The following RBFOX1 variants were observed in gnomAD, a reference collection of about 807,000 sequenced individuals.
RBFOX1 encodes the protein RNA binding fox-1 homolog 1.
In RBFOX1, 8 loss-of-function variants were observed where a neutral mutation model predicts 57.7. The observed-to-expected ratio is 0.14, with a 90% CI of 0.08 to 0.25. RBFOX1 has a LOEUF of 0.25. Ranked by LOEUF, RBFOX1 falls within the 10% of genes least tolerant of loss-of-function variation. The probability of loss-of-function intolerance (pLI) is 1.00; values close to 1 mark genes in which losing one functional copy is unlikely to be tolerated. For synonymous variants in RBFOX1, 326 were observed against 222.4 expected, an observed-to-expected ratio of 1.47 and a Z score of -4.15; for missense variants, 611 against 548.5, an observed-to-expected ratio of 1.11 and a Z score of -1.14.
chr16:6,487,465 A>G (rs1454157604), intron 2 of RBFOX1, among the ~76,000 whole-genome samples: 1 of 151,668 alleles, frequency 6.6e-6, no homozygotes, highest in Non-Finnish European at 1.5e-5. Context: ...GGATATTTGT[A>G]ACATAATTTT....
At chr16:5,944,397 A>G (rs935817234) in intron 4 of RBFOX1, among the ~76,000 whole-genome samples, 4 of 152,192 alleles carry the variant, frequency 2.6e-5, no homozygotes, top group African/African-American at 9.7e-5. Flanking sequence ...AGTTACATGA[A>G]GACGTGAGAC....
chr16:6,107,939 A>T (rs942523000), intron 1 of RBFOX1, among the ~76,000 whole-genome samples: 2 of 152,134 alleles, frequency 1.3e-5, no homozygotes, highest in Non-Finnish European at 2.9e-5. Context: ...CAAAAAAATC[A>T]TTGCCTTTCT....
At chr16:5,959,936 C>T (rs780200407) in intron 4 of RBFOX1, among the ~76,000 whole-genome samples, 1 of 152,224 alleles carries the variant, frequency 6.6e-6, no homozygotes, top group South Asian at 2.1e-4. Flanking sequence ...CGCGGTGGCT[C>T]ACGCCTGTAA....
At chr16:5,344,893 A>C (rs1419413757) in intron 1 of RBFOX1, among the ~76,000 whole-genome samples, 2 of 152,178 alleles carry the variant, frequency 1.3e-5, no homozygotes, top group African/African-American at 4.8e-5. Context: ...CAATAACTCC[A>C]AATTCATGTT....
chr16:7,338,234 A>G (rs2096829766), intron 4 of RBFOX1, among the ~76,000 whole-genome samples: 1 of 134,534 alleles, frequency 7.4e-6, no homozygotes, highest in Non-Finnish European at 1.5e-5. Flanking sequence ...ATTATCATTT[A>G]CCGTTTCTAT....
At chr16:6,984,538 T>C (rs370274998) in intron 3 of RBFOX1, among the ~76,000 whole-genome samples, 15 of 152,278 alleles carry the variant, frequency 9.9e-5, no homozygotes, top group African/African-American at 3.1e-4. Flanking sequence ...TAAATTAGAA[T>C]GGTGCAGCAG....
chr16:6,584,767 A>G (rs919279135), intron 2 of RBFOX1, among the ~76,000 whole-genome samples: 1 of 152,162 alleles, frequency 6.6e-6, no homozygotes, highest in Non-Finnish European at 1.5e-5. Flanking sequence ...CCACCAAGGC[A>G]GGACCAGCCT....
chr16:6,781,567 C>G (rs2081029495), intron 3 of RBFOX1, among the ~76,000 whole-genome samples: 2 of 152,074 alleles, frequency 1.3e-5, no homozygotes, highest in Non-Finnish European at 2.9e-5. Context: ...GGCCTTTTCT[C>G]TGGTGAGAAT....
chr16:7,222,554 A>T (rs568946984), intron 4 of RBFOX1, among the ~76,000 whole-genome samples: 3 of 152,120 alleles, frequency 2.0e-5, no homozygotes, highest in Admixed American at 1.3e-4. Flanking sequence ...CGAAGCAACA[A>T]TTGGATATGT....
chr16:7,599,638 CTTTTTT>C (rs542898195), intron 9 of RBFOX1, among the ~76,000 whole-genome samples: 1 of 62,808 alleles, frequency 1.6e-5, no homozygotes, highest in South Asian at 4.7e-4. Context: ...TTAATAAAGA[CTTTTTT>C]TTTTTTCTTT....
At chr16:6,530,339 T>C (rs1396924474) in intron 2 of RBFOX1, among the ~76,000 whole-genome samples, 3 of 152,192 alleles carry the variant, frequency 2.0e-5, no homozygotes, top group Non-Finnish European at 4.4e-5. Flanking sequence ...GTCACTCACA[T>C]AGTTCCAGCA....
At chr16:5,917,709 C>G (rs1017655745) in intron 4 of RBFOX1, among the ~76,000 whole-genome samples, 6 of 152,194 alleles carry the variant, frequency 3.9e-5, no homozygotes, top group Non-Finnish European at 8.8e-5. Flanking sequence ...CCCTGGATAC[C>G]TGACATAACC....
intron 3 of RBFOX1, among the ~76,000 whole-genome samples, chr16:6,966,416 G>A (rs891314430): frequency 6.6e-6 from 1 of 152,124 alleles, no homozygotes; most frequent in Admixed American, 6.5e-5. Context: ...ATGACCCTGG[G>A]GGGTCTTCCA....
intron 2 of RBFOX1, among the ~76,000 whole-genome samples, chr16:6,587,804 C>A (rs1281149921): frequency 6.6e-6 from 1 of 152,120 alleles, no homozygotes; most frequent in Non-Finnish European, 1.5e-5. Flanking sequence ...GTAGTTTCAC[C>A]AATGATTAAC....
intron 4 of RBFOX1, among the ~76,000 whole-genome samples, chr16:5,900,098 C>G (rs2058270085): frequency 6.6e-6 from 1 of 152,108 alleles, no homozygotes; most frequent in African/African-American, 2.4e-5. Flanking sequence ...CAAAACAAAA[C>G]CAGGAGTTTC....
At chr16:5,811,724 C>T (rs368009901) in intron 3 of RBFOX1, among the ~76,000 whole-genome samples, 15 of 152,320 alleles carry the variant, frequency 9.8e-5, no homozygotes, top group East Asian at 3.9e-4. Flanking sequence ...GCTGGGATTA[C>T]AGACGTGAGC....
chr16:5,740,343 G>A (rs75866576), intron 3 of RBFOX1, among the ~76,000 whole-genome samples: 1,892 of 152,320 alleles, frequency 0.012, 36 homozygotes, highest in African/African-American at 0.042. Flanking sequence ...ACAGGGTGCA[G>A]CACAGTCCCC....
At chr16:7,245,264 T>C (rs562777641) in intron 4 of RBFOX1, among the ~76,000 whole-genome samples, 4 of 152,204 alleles carry the variant, frequency 2.6e-5, no homozygotes, top group Non-Finnish European at 5.9e-5. Context: ...AGTAATTTTC[T>C]TTGAGAGCTT....
intron 2 of RBFOX1, among the ~76,000 whole-genome samples, chr16:6,534,583 A>G (rs1467983135): frequency 6.6e-6 from 1 of 152,196 alleles, no homozygotes; most frequent in African/African-American, 2.4e-5. Flanking sequence ...CCAAATGTTT[A>G]GTAAATATTG....
Sources: allele counts gnomAD v4.1 joint callset (sites outside exome capture counted in the v4.1 genomes callset), GRCh38; gene constraint gnomAD v4.1.1; transcripts MANE v1.5; gene names NCBI Gene and HGNC (gene_info 2026-07-23, HGNC 2026-07-21).